EPHA3: variants seen among roughly 807,000 people sequenced by gnomAD.
The protein encoded by EPHA3 is ephrin type-A receptor 3.
Under a neutral mutation model 107.1 loss-of-function variants are expected in EPHA3, and 42 were observed. The observed-to-expected ratio is 0.39, with a 90% confidence interval of 0.31 to 0.51. The LOEUF (loss-of-function observed/expected upper bound fraction) is 0.51, where lower values mean the gene tolerates loss of function less well. EPHA3 is among the 20% of genes least tolerant of loss of function. The pLI is 0.78. For missense variants in EPHA3, 1,183 were observed against 1,211.2 expected, an observed-to-expected ratio of 0.98 and a Z score of 0.35; for synonymous variants, 461 against 424.8, an observed-to-expected ratio of 1.09 and a Z score of -1.05.
At chr3:89,397,829 C>T (rs1049428021) in intron 6 of EPHA3, among the ~76,000 whole-genome samples, 3 of 152,124 alleles carry the variant, frequency 2.0e-5, no homozygotes, top group East Asian at 1.9e-4. Context: ...GTGATCCACC[C>T]GCCTGGGCCT....
At chr3:89,396,683 C>T (rs1439678393) in intron 6 of EPHA3, among the ~76,000 whole-genome samples, 1 of 151,908 alleles carries the variant, frequency 6.6e-6, no homozygotes, top group African/African-American at 2.4e-5. Flanking sequence ...TATGTTTAAA[C>T]CTTAGAATCA....
rs149266591 is a variant in EPHA3 at position 89,181,644 on chromosome 3, C to G, written c.154-28216C>G. On this transcript the variant is annotated intron_variant, in intron 2 of 16. Transcript: ENST00000336596. ...TGCAATCAGTAAGTATGTCATAAAT[C>G]TTGTCCTTCAGAATTATGAGATATC... is the stretch of plus-strand genomic sequence containing the variant. Among the ~76,000 whole-genome samples the G allele has an allele frequency of 2.4e-4, 37 of 152,054 alleles. No individual in the cohort carries two copies. The East Asian group carries it at 6.2e-3, about 25-fold the overall frequency.
At chr3:89,369,995 A>G (rs2107469626) in intron 5 of EPHA3, among the ~76,000 whole-genome samples, 1 of 150,840 alleles carries the variant, frequency 6.6e-6, no homozygotes, top group South Asian at 2.1e-4. Context: ...ATCATTAAAA[A>G]GTCAGGAAAC....
rs181935778 is a variant in EPHA3, at chr3:89,427,133, G to A, written c.2075-1973G>A. 9.7e-3 allele frequency among the ~76,000 whole-genome samples: 1,472 copies of A among 151,918 alleles called. 27 individuals are homozygous for A. Among genetic ancestry groups the A allele is most frequent in the African/African-American group, 0.034 (1,410 of 41,504 alleles). Reference sequence around the variant, plus strand: ...GATAGATGTTACATGGTGCCTTAAAGACATAAATCAGTGTCTTAACGGAAA... The same window carrying A: ...GATAGATGTTACATGGTGCCTTAAAAACATAAATCAGTGTCTTAACGGAAA... On this transcript the variant is annotated intron_variant, in intron 11 of 16. Transcript: ENST00000336596.
Position 89,346,141 on chromosome 3 carries a change from G to A in EPHA3, c.1306+4051G>A, listed in dbSNP as rs1229632836. Among the ~76,000 whole-genome samples the A allele has an allele frequency of 1.4e-4, 16 of 116,920 alleles. No individual in the cohort carries two copies. In the East Asian group the frequency reaches 1.5e-3, roughly 11 times the overall value. The allele number at this position is 116,920 out of a possible 152,430, so 76.7% of individuals were successfully genotyped here. ...CCTTTGGGTATATACCCAGTAATGG[G>A]ATGGCTGGGTCAAATGGTATTTCTA... On this transcript the variant is annotated intron_variant, in intron 5 of 16. Transcript: ENST00000336596.
At chr3:89,140,574 C>CA (rs148377954) in intron 2 of EPHA3, among the ~76,000 whole-genome samples, 2 of 151,692 alleles carry the variant, frequency 1.3e-5, no homozygotes, top group Non-Finnish European at 3.0e-5. Context: ...TTATAACTCC[C>CA]AAAAAACCTT....
At chr3:89,370,732 T>C (rs137990175) in intron 5 of EPHA3, among the ~76,000 whole-genome samples, 2,320 of 151,380 alleles carry the variant, frequency 0.015, 42 homozygotes, top group African/African-American at 0.053. Flanking sequence ...AAAGAAGGAA[T>C]GCAAACAACA....
At chr3:89,348,197 T>C (rs1279622202) in intron 5 of EPHA3, among the ~76,000 whole-genome samples, 1 of 130,692 alleles carries the variant, frequency 7.7e-6, no homozygotes. Flanking sequence ...ATGGTACCAG[T>C]TCCTCCTTGT....
intron 3 of EPHA3, among the ~76,000 whole-genome samples, chr3:89,257,644 G>T (rs1262738769): frequency 7.4e-6 from 1 of 134,938 alleles, no homozygotes; most frequent in African/African-American, 2.8e-5. Context: ...ACAATTAAAA[G>T]AAAAAAAATA....
At chr3:89,275,422 T>C (rs930150442) in intron 3 of EPHA3, among the ~76,000 whole-genome samples, 9 of 152,038 alleles carry the variant, frequency 5.9e-5, no homozygotes, top group African/African-American at 2.2e-4. Context: ...TCAAAGTGTG[T>C]AGCTGGGAAA....
At chr3:89,409,833 C>G (rs2107518890) in intron 9 of EPHA3, among the ~76,000 whole-genome samples, 1 of 152,152 alleles carries the variant, frequency 6.6e-6, no homozygotes, top group East Asian at 1.9e-4. Flanking sequence ...CTCCTAAGAT[C>G]CTGTCCCCTT....
intron 2 of EPHA3, among the ~76,000 whole-genome samples, chr3:89,178,246 CAATA>C (rs34751674): frequency 0.53 from 80,122 of 151,342 alleles, 22,137 homozygotes; most frequent in Admixed American, 0.64. Context: ...CATATGTAGC[CAATA>C]GATAGATAGA....
chr3:89,162,842 C>T (rs373112362), intron 2 of EPHA3, among the ~76,000 whole-genome samples: 15 of 152,262 alleles, frequency 9.9e-5, no homozygotes, highest in Non-Finnish European at 1.6e-4. Context: ...AACTCTAGGA[C>T]GGCCACTCCA....
At chr3:89,348,241 G>T (rs1559657508) in intron 5 of EPHA3, among the ~76,000 whole-genome samples, 1 of 131,092 alleles carries the variant, frequency 7.6e-6, no homozygotes, top group Non-Finnish European at 1.7e-5. Flanking sequence ...AATCCATCTG[G>T]TCCTGGACTC....
rs575754069 is a variant in EPHA3, at chr3:89,260,683, G to A, written c.814+50163G>A. ...CAGTGGTTTTCTTTTCTATGCCAAA[G>A]CTTTTAGGGTGTAAGATTTACCTAA... On this transcript the variant is annotated intron_variant, in intron 3 of 16. Transcript: ENST00000336596. 2.6e-5 allele frequency among the ~76,000 whole-genome samples: 4 copies of A among 152,258 alleles called. No homozygotes were observed. The South Asian group carries it at 8.3e-4, about 32-fold the overall frequency.
intron 3 of EPHA3, among the ~76,000 whole-genome samples, chr3:89,232,078 G>A (rs1704648552): frequency 6.6e-6 from 1 of 152,072 alleles, no homozygotes; most frequent in Non-Finnish European, 1.5e-5. Flanking sequence ...ACAGGAGAAG[G>A]TCAGAAGGTG....
chr3:89,125,079 A>G (rs999817796), intron 1 of EPHA3, among the ~76,000 whole-genome samples: 2 of 151,844 alleles, frequency 1.3e-5, no homozygotes, highest in Admixed American at 1.3e-4. Flanking sequence ...TGTAATAACC[A>G]TATCTTCTTC....
chr3:89,337,569 T>A (rs1258877533), intron 3 of EPHA3, among the ~76,000 whole-genome samples: 2 of 152,262 alleles, frequency 1.3e-5, no homozygotes, highest in Non-Finnish European at 2.9e-5. Context: ...TGACATTAAA[T>A]GACTATCTAT....
At chr3:89,313,805 C>T (rs1382742447) in intron 3 of EPHA3, among the ~76,000 whole-genome samples, 2 of 151,962 alleles carry the variant, frequency 1.3e-5, no homozygotes, top group African/African-American at 2.4e-5. Context: ...TTCCCCATTA[C>T]ACCTGTCATT....
Sources: allele counts gnomAD v4.1 joint callset (sites outside exome capture counted in the v4.1 genomes callset), GRCh38; gene constraint gnomAD v4.1.1; transcripts MANE v1.5; gene names NCBI Gene and HGNC (gene_info 2026-07-23, HGNC 2026-07-21).